AHNAK: variants seen among roughly 807,000 people sequenced by gnomAD.
AHNAK encodes AHNAK nucleoprotein.
A neutral mutation model predicts 37.8 loss-of-function variants in AHNAK; 23 were observed. That is an observed-to-expected ratio of 0.61 (90% CI 0.44 to 0.86). The LOEUF (loss-of-function observed/expected upper bound fraction) is 0.86, where lower values mean the gene tolerates loss of function less well. Ranked by LOEUF, AHNAK falls within the 40% of genes least tolerant of loss-of-function variation. AHNAK has a pLI of 0.00. For synonymous variants in AHNAK, 2,481 were observed against 2,636.3 expected (o/e 0.94, Z 1.80); for missense variants, 7,411 against 7,319.4 (o/e 1.01, Z -0.46).
Position 62,525,623 on chromosome 11 carries a change from C to T in AHNAK, c.8794G>A (p.Val2932Ile), listed in dbSNP as rs112216739. 6.8e-6 allele frequency: 11 copies of T among 1,611,676 alleles called. No homozygotes were observed. Among genetic ancestry groups the T allele is most frequent in the African/African-American group, 1.3e-5 (1 of 74,106 alleles). ...TCAATGTTAACATCAGGGCCTTCAACGTCCACTTTGGGGCCTGAGACATCA... is the reference window on the plus strand; with the variant it reads ...TCAATGTTAACATCAGGGCCTTCAATGTCCACTTTGGGGCCTGAGACATCA... ...DVDVSGPKVDVEGPDVNIEGP... is the reference protein window; with the variant it reads ...DVDVSGPKVDIEGPDVNIEGP... Residue 2932 changes from valine (V) to isoleucine (I), a missense_variant, in exon 5 of 5, where the codon GTT becomes ATT. Val to Ile is a conservative substitution (Grantham distance 29, BLOSUM62 3). Coordinates refer to ENST00000378024, the MANE Select transcript of AHNAK (RefSeq NM_001620.3).
chr11:62,468,649 A>G (rs925001101), intron 5 of AHNAK, among the ~76,000 whole-genome samples: 1 of 152,210 alleles, frequency 6.6e-6, no homozygotes, highest in Non-Finnish European at 1.5e-5. Context: ...GGCCAGTTTC[A>G]GCCAGCATGA....
chr11:62,490,585 G>A (rs943896176), intron 5 of AHNAK, among the ~76,000 whole-genome samples: 6 of 152,100 alleles, frequency 3.9e-5, no homozygotes, highest in African/African-American at 1.4e-4. Flanking sequence ...TGGAGCGCTG[G>A]GCAAGGAAGA....
chr11:62,505,885 G>A (rs1939801962), intron 4 of AHNAK, among the ~76,000 whole-genome samples: 1 of 151,634 alleles, frequency 6.6e-6, no homozygotes, highest in Non-Finnish European at 1.5e-5. Flanking sequence ...ATAATCTCCG[G>A]AATGAAGAGC....
intron 1 of AHNAK, among the ~76,000 whole-genome samples, chr11:62,542,261 A>G (rs1297590024): frequency 6.6e-6 from 1 of 151,880 alleles, no homozygotes; most frequent in South Asian, 2.1e-4. Context: ...GTTGTCCTGC[A>G]GGTCCCTATG....
chr11:62,530,846 T>C lies in AHNAK; in HGVS notation c.3571A>G (p.Lys1191Glu). 1 of 1,613,936 alleles carries C rather than the reference T, an allele frequency of 6.2e-7. No homozygotes were observed. Among genetic ancestry groups the C allele is most frequent in the Non-Finnish European group, 8.5e-7 (1 of 1,180,008 alleles). The change falls in exon 5 of 5, where the codon AAG (lysine) becomes GAG (glutamate). Residue 1191 changes from lysine to glutamate, a missense_variant. Lys to Glu is a moderately conservative substitution (Grantham distance 56). Transcript: ENST00000378024. The stretch of plus-strand genomic sequence containing the variant: ...TCAGGCATGGAGATCTTGGGGGTCT[T>C]GAAATGCATCTCAGGCATCTTAAAC... The part of the protein sequence containing the change: ...PKFKMPEMHF[K>E]TPKISMPDVD...
At chr11:62,436,634 T>TAAAAA (rs34838843) in intron 5 of AHNAK, among the ~76,000 whole-genome samples, 2 of 142,728 alleles carry the variant, frequency 1.4e-5, no homozygotes, top group Non-Finnish European at 3.1e-5. Flanking sequence ...TTCTTTTCAT[T>TAAAAA]AAAAAAAAAA....
At chr11:62,474,328 G>A (rs1394759700) in intron 5 of AHNAK, among the ~76,000 whole-genome samples, 3 of 151,944 alleles carry the variant, frequency 2.0e-5, no homozygotes, top group Non-Finnish European at 4.4e-5. Flanking sequence ...GGGATTACAG[G>A]TGCATGCCAC....
intron 4 of AHNAK, among the ~76,000 whole-genome samples, chr11:62,508,952 A>T (rs7124130): frequency 0.11 from 16,779 of 152,256 alleles, 2,302 homozygotes; most frequent in African/African-American, 0.32. Context: ...TTGGACTTTT[A>T]TCTTGAAAAC....
At chr11:62,498,384 G>GCATA (rs1466848646) in intron 4 of AHNAK, among the ~76,000 whole-genome samples, 1 of 148,568 alleles carries the variant, frequency 6.7e-6, no homozygotes, top group Non-Finnish European at 1.5e-5. Context: ...AAAATGAATG[G>GCATA]CATACTAAGA....
intron 5 of AHNAK, among the ~76,000 whole-genome samples, chr11:62,452,699 G>A (rs1157652260): frequency 6.6e-6 from 1 of 152,160 alleles, no homozygotes; most frequent in Non-Finnish European, 1.5e-5. Context: ...CTCTTCCTGG[G>A]CTCACACAAT....
At position 62,526,975 on chromosome 11, in the gene AHNAK, T is replaced by G. The variant is rs1395400830; in HGVS notation, c.7442A>C (p.Lys2481Thr). The change falls in exon 5 of 5, where the codon AAA becomes ACA. Residue 2481 changes from lysine to threonine, a missense_variant. Coordinates refer to ENST00000378024, the MANE Select transcript of AHNAK (RefSeq NM_001620.3). ...GATGTTCATATCTGGTACTTCAAGT[T>G]TACCTTCTACCTCAGGCACAGACAC... ...VDVSVPEVEG[K>T]LEVPDMNIRG... is the part of the protein sequence containing the mutation. The G allele has an allele frequency of 6.2e-7, 1 of 1,613,882 alleles. No homozygotes were observed. The highest frequency in any genetic ancestry group is 2.2e-5 in the East Asian group (1 of 44,900).
intron 5 of AHNAK, among the ~76,000 whole-genome samples, chr11:62,460,771 T>A (rs1314561307): frequency 6.6e-6 from 1 of 152,060 alleles, no homozygotes; most frequent in African/African-American, 2.4e-5. Context: ...GTCTCAGGTA[T>A]CCTGGAGACG....
Position 62,531,397 on chromosome 11 carries a change from C to G in AHNAK, c.3020G>C (p.Ser1007Thr), listed in dbSNP as rs765863593. The change falls in exon 5 of 5, where the codon AGC becomes ACC. Residue 1007 changes from serine to threonine, a missense_variant. Coordinates refer to ENST00000378024, the MANE Select transcript of AHNAK (RefSeq NM_001620.3). ...KMPKIKMPKF[S>T]MPSLKGEGPE... ...CCCCTCTCCTTTGAGGCTGGGCATG[C>G]TAAATTTGGGCATTTTAATCTTTGG... 1 of 1,614,188 alleles carries G rather than the reference C, an allele frequency of 6.2e-7. No homozygotes were observed. The highest frequency in any genetic ancestry group is 1.1e-5 in the South Asian group (1 of 91,086).
chr11:62,523,284 T>C lies in AHNAK; in HGVS notation c.11133A>G (p.Lys3711=). 6.2e-7 allele frequency: 1 copy of C among 1,614,108 alleles called. No individual in the cohort carries two copies. The highest frequency in any genetic ancestry group is 8.5e-7 in the Non-Finnish European group (1 of 1,179,998). Residue 3711 remains lysine, a synonymous_variant, in exon 5 of 5, where the codon AAA becomes AAG. Transcript: ENST00000378024. ...TAATGTCAGGAGTGTCAATGTCCAC[T>C]TTGGGGCCCTTGATGTCCACCTCAG... The part of the protein sequence containing the change: ...KGPEVDIKGP[K]VDIDTPDINI...
At position 62,517,048 on chromosome 11, in the gene AHNAK, G is replaced by A; in HGVS notation, c.17369C>T (p.Ser5790Phe). 1 of 1,614,224 alleles carries A rather than the reference G, an allele frequency of 6.2e-7. No individual in the cohort carries two copies. Among genetic ancestry groups the A allele is most frequent in the Non-Finnish European group, 8.5e-7 (1 of 1,180,046 alleles). ...CGTCCCCGTCGGGGTGGAAGGTCCA[G>A]AGAACTCTCTTTCATCACTGAATGA... ...SNSFSDEREF[S>F]GPSTPTGTLE... Residue 5790 changes from serine to phenylalanine, a missense_variant, in exon 5 of 5, where the codon TCT becomes TTT. By Grantham distance (155) the Ser-to-Phe change is radical. Transcript: ENST00000378024.
In AHNAK at chr11:62,528,890, A is replaced by G; in HGVS notation, c.5527T>C (p.Phe1843Leu). ...CPDAKLKGPK[F>L]KMPEMHFKAP... ...TTGAAGTGCATCTCAGGCATCTTAAACTTGGGCCCTTTCAACTTTGCATCA... is the reference window on the plus strand; with the variant it reads ...TTGAAGTGCATCTCAGGCATCTTAAGCTTGGGCCCTTTCAACTTTGCATCA... Residue 1843 changes from phenylalanine to leucine, a missense_variant, in exon 5 of 5, where the codon TTT (phenylalanine) becomes CTT (leucine). Coordinates refer to ENST00000378024, the MANE Select transcript of AHNAK (RefSeq NM_001620.3). 1 of 1,613,940 alleles carries G rather than the reference A, an allele frequency of 6.2e-7. No individual in the cohort carries two copies. Among genetic ancestry groups the G allele is most frequent in the Non-Finnish European group, 8.5e-7 (1 of 1,179,988 alleles).
rs377504237 is a variant in AHNAK at position 62,530,508 on chromosome 11, T to A, written c.3909A>T (p.Glu1303Asp). 1.4e-5 allele frequency: 23 copies of A among 1,610,748 alleles called. No homozygotes were observed. In the African/African-American group the frequency reaches 2.6e-4, roughly 18 times the overall value. ...EVPDVSLEGP[E>D]GKLKGPKFKM... Reference sequence around the variant, plus strand: ...TAAACTTGGGGCCCTTCAGCTTTCCTTCCGGGCCCTCAAGGCTCACATCTG... The same window carrying A: ...TAAACTTGGGGCCCTTCAGCTTTCCATCCGGGCCCTCAAGGCTCACATCTG... Residue 1303 changes from glutamate to aspartate, a missense_variant, in exon 5 of 5, where the codon GAA (glutamate) becomes GAT (aspartate). Transcript: ENST00000378024.
intron 5 of AHNAK, among the ~76,000 whole-genome samples, chr11:62,467,450 C>T (rs1332033970): frequency 6.6e-6 from 1 of 151,990 alleles, no homozygotes; most frequent in East Asian, 1.9e-4. Context: ...TTTGGGAGGC[C>T]GAGGCAGACG....
At chr11:62,507,470 A>C (rs573580676) in intron 4 of AHNAK, among the ~76,000 whole-genome samples, 61 of 152,330 alleles carry the variant, frequency 4.0e-4, no homozygotes, top group African/African-American at 1.4e-3. Context: ...CTGTGAGAGA[A>C]GAACCATATC....
Sources: allele counts gnomAD v4.1 joint callset (sites outside exome capture counted in the v4.1 genomes callset), GRCh38; gene constraint gnomAD v4.1.1; transcripts MANE v1.5; gene names NCBI Gene and HGNC (gene_info 2026-07-23, HGNC 2026-07-21).